Variants in TFDP2 observed in about 807,000 individuals in gnomAD.
TFDP2 encodes transcription factor Dp-2 (E2F dimerization partner 2).
TFDP2 carries 17 observed loss-of-function variants against 59.3 expected under a neutral mutation model. The observed-to-expected ratio is 0.29, with a 90% CI of 0.20 to 0.43. The LOEUF (loss-of-function observed/expected upper bound fraction) is 0.43, where lower values mean the gene tolerates loss of function less well. Ranked by LOEUF, TFDP2 falls within the 20% of genes least tolerant of loss-of-function variation. The pLI, the probability that TFDP2 is intolerant of heterozygous loss-of-function variation, is 1.00. For synonymous variants in TFDP2, 180 were observed against 194.7 expected, an observed-to-expected ratio of 0.92 and a Z score of 0.63; for missense variants, 391 against 528.8, an observed-to-expected ratio of 0.74 and a Z score of 2.56.
At chr3:142,118,624 T>G (rs1390359702) in intron 1 of TFDP2, among the ~76,000 whole-genome samples, 1 of 152,188 alleles carries the variant, frequency 6.6e-6, no homozygotes, top group African/African-American at 2.4e-5. Flanking sequence ...TTTTTTATTT[T>G]GCTTTACTTT....
At chr3:142,077,036 C>A (rs534595349) in intron 3 of TFDP2, among the ~76,000 whole-genome samples, 1 of 152,254 alleles carries the variant, frequency 6.6e-6, no homozygotes, top group South Asian at 2.1e-4. Flanking sequence ...ATCTATGCAC[C>A]TGGGGGAGGG....
chr3:142,140,460 C>T (rs6784390), intron 1 of TFDP2, among the ~76,000 whole-genome samples: 135,208 of 152,220 alleles, frequency 0.89, 60,311 homozygotes, highest in African/African-American at 0.97. Flanking sequence ...TTTTAGAATT[C>T]TCAGCTTTTC....
chr3:142,122,093 A>C (rs781347792), intron 1 of TFDP2, among the ~76,000 whole-genome samples: 10 of 152,226 alleles, frequency 6.6e-5, no homozygotes, highest in Non-Finnish European at 1.0e-4. Flanking sequence ...CCTTGATCCC[A>C]AAGAACTAAA....
chr3:141,968,574 CAT>C lies in TFDP2; in HGVS notation c.732+1497_732+1498del, dbSNP rs1199926307. 9.5e-4 allele frequency among the ~76,000 whole-genome samples: 93 copies of C among 98,262 alleles called. 3 individuals carry two copies. The highest frequency in any genetic ancestry group is 9.1e-4 in the Non-Finnish European group (50 of 54,898). The allele number at this position is 98,262 out of a possible 152,430, so 64.5% of individuals were successfully genotyped here. ...ATCTCATATATATAGATATATATAACATATATATCTCATATATAGATATATAT... is the reference window on the plus strand; with the variant it reads ...ATCTCATATATATAGATATATATAACATATATCTCATATATAGATATATAT... On this transcript the variant is annotated intron_variant, in intron 9 of 12. Transcript: ENST00000489671.
chr3:141,974,289 T>C, intron 7 of TFDP2, 98 bp from the exon 8 acceptor site: 1 of 1,073,076 alleles, frequency 9.3e-7, no homozygotes, highest in Non-Finnish European at 1.2e-6. Context: ...TTCAAAGTGC[T>C]GGAAGGATTC....
chr3:142,120,789 A>C (rs141473940), intron 1 of TFDP2, among the ~76,000 whole-genome samples: 124 of 152,208 alleles, frequency 8.1e-4, no homozygotes, highest in African/African-American at 2.9e-3. Context: ...CTGATGCCTC[A>C]CCCAAGCAGC....
chr3:142,118,787 A>T (rs2061934190), intron 1 of TFDP2, among the ~76,000 whole-genome samples: 1 of 152,212 alleles, frequency 6.6e-6, no homozygotes, highest in Non-Finnish European at 1.5e-5. Flanking sequence ...GAAATGAATG[A>T]TAGGCAAAGG....
chr3:142,052,112 C>A (rs531771132), intron 3 of TFDP2, among the ~76,000 whole-genome samples: 2 of 152,066 alleles, frequency 1.3e-5, no homozygotes, highest in Admixed American at 1.3e-4. Context: ...GCAAGACTGT[C>A]TTGGAAAAAC....
At chr3:142,018,213 G>T (rs143976398) in intron 3 of TFDP2, among the ~76,000 whole-genome samples, 69 of 152,044 alleles carry the variant, frequency 4.5e-4, no homozygotes, top group African/African-American at 1.5e-3. Context: ...CAAAGTGCTA[G>T]GATTACAGGC....
At chr3:142,074,477 C>T (rs2060370231) in intron 3 of TFDP2, among the ~76,000 whole-genome samples, 1 of 152,026 alleles carries the variant, frequency 6.6e-6, no homozygotes. Context: ...CTTTGGGAGA[C>T]CAAGGCGGGA....
At chr3:142,073,468 C>T (rs1172203183) in intron 3 of TFDP2, among the ~76,000 whole-genome samples, 2 of 71,768 alleles carry the variant, frequency 2.8e-5, no homozygotes, top group African/African-American at 1.1e-4. Context: ...CCCCCCCCCC[C>T]CCGCAAAAAA....
intron 11 of TFDP2, among the ~76,000 whole-genome samples, chr3:141,955,552 C>A (rs1273106653): frequency 6.6e-6 from 1 of 151,956 alleles, no homozygotes; most frequent in Non-Finnish European, 1.5e-5. Context: ...AGGCGGGGGG[C>A]CCTTGCAGGG....
chr3:142,071,152 C>T (rs1364145105), intron 3 of TFDP2, among the ~76,000 whole-genome samples: 6 of 151,690 alleles, frequency 4.0e-5, no homozygotes, highest in Admixed American at 6.6e-5. Flanking sequence ...GAACCATTAT[C>T]TTAAAGGAGT....
intron 6 of TFDP2, among the ~76,000 whole-genome samples, chr3:141,987,906 T>C (rs1179886078): frequency 6.9e-6 from 1 of 144,924 alleles, no homozygotes; most frequent in African/African-American, 2.7e-5. Context: ...GCCACTGCAC[T>C]CCAGCCTGGA....
At chr3:142,008,653 T>C (rs1288633923) in intron 3 of TFDP2, among the ~76,000 whole-genome samples, 2 of 151,848 alleles carry the variant, frequency 1.3e-5, no homozygotes, top group African/African-American at 2.4e-5. Context: ...GCAATTATTA[T>C]GTCCCCAGAG....
chr3:142,084,360 C>T (rs114599909), intron 3 of TFDP2, among the ~76,000 whole-genome samples: 3,432 of 152,118 alleles, frequency 0.023, 57 homozygotes, highest in Non-Finnish European at 0.034. Context: ...AGAAGGGAAC[C>T]CTTGTACGCT....
At chr3:142,127,659 CT>C (rs1385944102) in intron 1 of TFDP2, among the ~76,000 whole-genome samples, 1 of 151,946 alleles carries the variant, frequency 6.6e-6, no homozygotes, top group Admixed American at 6.6e-5. Flanking sequence ...TTTAATAAAA[CT>C]TTTTGTTGAG....
chr3:142,056,543 AG>A (rs2059753583), intron 3 of TFDP2, among the ~76,000 whole-genome samples: 1 of 152,204 alleles, frequency 6.6e-6, no homozygotes, highest in African/African-American at 2.4e-5. Context: ...ATTTTTTAGT[AG>A]AAGTATGTTC....
rs944558084 is a variant in TFDP2 at position 142,134,784 on chromosome 3, C to T, written c.-93+14399G>A. On this transcript the variant is annotated intron_variant, in intron 1 of 12. Coordinates refer to ENST00000489671, the MANE Select transcript of TFDP2 (RefSeq NM_001178139.2). Reference sequence around the variant, plus strand: ...GAAAGACAACAGACAAACCTAGATACATAGTCTATCAAGGCTCTGTTTAAC... The same window carrying T: ...GAAAGACAACAGACAAACCTAGATATATAGTCTATCAAGGCTCTGTTTAAC... Among the ~76,000 whole-genome samples the T allele has an allele frequency of 5.9e-5, 9 of 151,986 alleles. No individual in the cohort carries two copies. The South Asian group carries it at 1.9e-3, about 31-fold the overall frequency.
Sources: allele counts gnomAD v4.1 joint callset (sites outside exome capture counted in the v4.1 genomes callset), GRCh38; gene constraint gnomAD v4.1.1; transcripts MANE v1.5; gene names NCBI Gene and HGNC (gene_info 2026-07-23, HGNC 2026-07-21).